RAB11FIP3: variants seen among roughly 807,000 people sequenced by gnomAD.
RAB11FIP3 encodes the protein rab11 family-interacting protein 3.
RAB11FIP3 carries 17 observed loss-of-function variants against 77.8 expected under a neutral mutation model. The ratio of observed to expected loss-of-function variants is 0.22; its 90% CI spans 0.15 to 0.33. RAB11FIP3 has a LOEUF of 0.33. Among genes scored for constraint, RAB11FIP3 ranks in the 10% least tolerant of loss-of-function variants. RAB11FIP3 has a pLI of 1.00. For missense variants in RAB11FIP3, 1,005 were observed against 1,011.2 expected (o/e 0.99, Z 0.08); for synonymous variants, 437 against 448.2 (o/e 0.98, Z 0.31).
At chr16:465,199 G>T (rs1307868888) in intron 2 of RAB11FIP3, among the ~76,000 whole-genome samples, 1 of 151,922 alleles carries the variant, frequency 6.6e-6, no homozygotes, top group African/African-American at 2.4e-5. Flanking sequence ...CTTAAGTCAA[G>T]AATTACTGGA....
At chr16:427,020 C>A (rs1479292441) in intron 1 of RAB11FIP3, among the ~76,000 whole-genome samples, 1 of 152,020 alleles carries the variant, frequency 6.6e-6, no homozygotes, top group Admixed American at 6.6e-5. Context: ...GACACCCCCC[C>A]AGGGGGCCTG....
At chr16:501,082 G>A (rs2031484771) in intron 6 of RAB11FIP3, among the ~76,000 whole-genome samples, 1 of 152,212 alleles carries the variant, frequency 6.6e-6, no homozygotes, top group Non-Finnish European at 1.5e-5. Context: ...ACGTTCACAG[G>A]GCTTGTCTCC....
At chr16:434,734 A>G (rs1413785723) in intron 1 of RAB11FIP3, among the ~76,000 whole-genome samples, 1 of 151,986 alleles carries the variant, frequency 6.6e-6, no homozygotes, top group East Asian at 1.9e-4. Context: ...ACTTTAATGG[A>G]AACCTAAGGT....
intron 3 of RAB11FIP3, among the ~76,000 whole-genome samples, chr16:474,528 CA>C (rs891560913): frequency 4.6e-5 from 7 of 151,898 alleles, no homozygotes; most frequent in Non-Finnish European, 8.8e-5. Flanking sequence ...AGGTGGAGCC[CA>C]GGGGGTGGTG....
rs1374758493 is a variant in RAB11FIP3, at chr16:439,256, A to G, written c.714+12536A>G. On this transcript the variant is annotated intron_variant, in intron 1 of 13. Transcript: ENST00000262305. ...GGTACAGTTCTATTTTTGTGTCCAGATATTTCATGCTTGTATCTGTCCGTC... is the reference window on the plus strand; with the variant it reads ...GGTACAGTTCTATTTTTGTGTCCAGGTATTTCATGCTTGTATCTGTCCGTC... 3 of 152,290 alleles carry G rather than the reference A, an allele frequency of 2.0e-5. 1 individual carries two copies. The highest frequency in any genetic ancestry group is 6.5e-5 in the Admixed American group (1 of 15,286). The allele number at this position is 152,290 out of a possible 1,614,324, so 9.4% of individuals were successfully genotyped here. A position where few individuals can be genotyped will look rare whatever the true frequency, so the allele number is the denominator to read the frequency against.
chr16:447,703 G>C (rs1055567903), intron 1 of RAB11FIP3, among the ~76,000 whole-genome samples: 1 of 151,962 alleles, frequency 6.6e-6, no homozygotes, highest in Non-Finnish European at 1.5e-5. Context: ...GCGCCACTGC[G>C]CTCCAGCCTG....
chr16:481,416 C>T (rs945830328), intron 3 of RAB11FIP3, among the ~76,000 whole-genome samples: 2 of 152,072 alleles, frequency 1.3e-5, no homozygotes, highest in African/African-American at 4.8e-5. Flanking sequence ...GAGGCTGAGG[C>T]AGGAGAATCA....
intron 1 of RAB11FIP3, among the ~76,000 whole-genome samples, chr16:434,725 C>G (rs1161331999): frequency 3.3e-5 from 5 of 151,630 alleles, no homozygotes; most frequent in Non-Finnish European, 7.4e-5. Flanking sequence ...CAGATGTATA[C>G]TTTAATGGAA....
chr16:426,478 G>A lies in RAB11FIP3; in HGVS notation c.472G>A (p.Val158Ile). 6.3e-7 allele frequency: 1 copy of A among 1,581,086 alleles called. No homozygotes were observed. The change falls in exon 1 of 14, where the codon GTC becomes ATC. Residue 158 changes from valine (V) to isoleucine (I), a missense_variant. Around this residue, in one of 4 missense-constraint regions of RAB11FIP3, gnomAD observed 466 missense variants for 408.3 expected, o/e 1.14. Coordinates refer to ENST00000262305, the MANE Select transcript of RAB11FIP3 (RefSeq NM_014700.4). This position sits in a 1 kb window ranked among gnomAD's most constrained non-coding sequence, Gnocchi z 5.0. Reference protein sequence around the residue: ...SSSSHRARGEVDVFSPFPAPT... With the variant: ...SSSSHRARGEIDVFSPFPAPT... ...CAGCAGCCACCGAGCGCGGGGCGAGGTCGACGTCTTCTCTCCCTTCCCCGC... is the reference window on the plus strand; with the variant it reads ...CAGCAGCCACCGAGCGCGGGGCGAGATCGACGTCTTCTCTCCCTTCCCCGC...
intron 1 of RAB11FIP3, among the ~76,000 whole-genome samples, chr16:431,051 A>G (rs1205006801): frequency 6.6e-6 from 1 of 151,910 alleles, no homozygotes; most frequent in African/African-American, 2.4e-5. Context: ...TTTGAGTGAA[A>G]GTGTGTGTGA....
chr16:431,994 T>TG, intron 1 of RAB11FIP3, among the ~76,000 whole-genome samples: 1 of 152,244 alleles, frequency 6.6e-6, no homozygotes, highest in Middle Eastern at 3.4e-3. Flanking sequence ...CCTGACCGCA[T>TG]GATCCGCCCA....
intron 5 of RAB11FIP3, among the ~76,000 whole-genome samples, chr16:492,126 C>G (rs2030267022): frequency 1.3e-5 from 2 of 152,224 alleles, no homozygotes; most frequent in South Asian, 4.1e-4. Context: ...CACATCCTTG[C>G]TGGCGGGCGC....
At chr16:503,126 A>G in intron 7 of RAB11FIP3, 29 bp downstream of exon 7, 3 of 1,557,914 alleles carry the variant, frequency 1.9e-6, no homozygotes, top group Non-Finnish European at 2.6e-6. Context: ...GGTAGGTGGC[A>G]AGTAGGGGAT....
intron 3 of RAB11FIP3, among the ~76,000 whole-genome samples, chr16:473,282 C>T (rs1324682500): frequency 6.6e-6 from 1 of 152,198 alleles, no homozygotes; most frequent in African/African-American, 2.4e-5. Flanking sequence ...AGAGCTAATC[C>T]TTCTCATATT....
chr16:510,760 G>A lies in RAB11FIP3; in HGVS notation c.1600G>A (p.Glu534Lys). ...RRQKELLCKM[E>K]REKSIEIENL... ...TCAGAAGGAGCTCCTGTGCAAGATG[G>A]AGAGGGAGAAGAGCATTGAGATCGA... Residue 534 changes from glutamate (E) to lysine (K), a missense_variant, in exon 9 of 14, where the codon GAG becomes AAG. By Grantham distance (56) the Glu-to-Lys change is moderately conservative. This residue lies in a region of RAB11FIP3 where 433 missense variants were observed against 436.1 expected (regional missense o/e 0.99). Coordinates refer to ENST00000262305, the MANE Select transcript of RAB11FIP3 (RefSeq NM_014700.4). 6.2e-7 allele frequency: 1 copy of A among 1,613,450 alleles called. No individual in the cohort carries two copies. Among genetic ancestry groups the A allele is most frequent in the Non-Finnish European group, 8.5e-7 (1 of 1,179,850 alleles).
chr16:491,320 C>T, intron 5 of RAB11FIP3: 3 of 1,282,522 alleles, frequency 2.3e-6, no homozygotes, highest in South Asian at 2.5e-5. Context: ...GTGGGGGACT[C>T]CGGATACCCA....
chr16:520,865 G>A lies in RAB11FIP3; in HGVS notation c.*26G>A. The A allele has an allele frequency of 1.3e-6, 2 of 1,588,510 alleles. No homozygotes were observed. Among genetic ancestry groups the A allele is most frequent in the African/African-American group, 1.3e-5 (1 of 74,420 alleles). On this transcript the variant is annotated 3_prime_UTR_variant, in exon 14 of 14. Transcript: ENST00000262305. ...AGGCAGGAAGGTCCAGCCTGAGCTG[G>A]ATTCGGGACTCCAACACCCTGGAGT...
intron 2 of RAB11FIP3, among the ~76,000 whole-genome samples, chr16:468,553 G>A (rs1362190331): frequency 6.6e-6 from 1 of 152,050 alleles, no homozygotes; most frequent in Non-Finnish European, 1.5e-5. Flanking sequence ...TAGCTCCATC[G>A]TGGCTGCAGC....
At chr16:502,935 GCT>G in intron 6 of RAB11FIP3, 67 bp from the exon 7 acceptor site, 6 of 1,240,588 alleles carry the variant, frequency 4.8e-6, no homozygotes, top group Non-Finnish European at 7.1e-6. Flanking sequence ...ACTTGGGAGT[GCT>G]TGTGCTGACG....
Sources: gnomAD v4.1 joint callset for allele counts (sites outside exome capture counted in the v4.1 genomes callset) on GRCh38, gnomAD v4.1.1 for gene constraint, gnomAD v4.1.1 regional missense constraint, Gnocchi (gnomAD v3.1) non-coding constraint, MANE v1.5 for transcripts, NCBI Gene and HGNC (gene_info 2026-07-23, HGNC 2026-07-21) for gene names.